The following MON1A variants were observed in gnomAD, a reference collection of about 807,000 sequenced individuals.
MON1A encodes the protein vacuolar fusion protein MON1 homolog A.
In MON1A, 29 loss-of-function variants were observed where a neutral mutation model predicts 44.6. The ratio of observed to expected loss-of-function variants is 0.65; its 90% CI spans 0.48 to 0.89. MON1A has a LOEUF of 0.89. Among genes scored for constraint, MON1A ranks in the 40% least tolerant of loss-of-function variants. The pLI is 0.00. For missense variants in MON1A, 615 were observed against 759.6 expected (o/e 0.81, Z 2.24); for synonymous variants, 275 against 316.4 (o/e 0.87, Z 1.39).
chr3:49,927,244 T>C (rs2083059571), intron 1 of MON1A, among the ~76,000 whole-genome samples: 1 of 152,186 alleles, frequency 6.6e-6, no homozygotes, highest in Admixed American at 6.6e-5. Flanking sequence ...TCAGGAACAA[T>C]GGCTCCGAAG....
At chr3:49,922,271 C>A (rs1045198597) in intron 1 of MON1A, among the ~76,000 whole-genome samples, 12 of 151,598 alleles carry the variant, frequency 7.9e-5, no homozygotes, top group African/African-American at 2.7e-4. Context: ...CACAGTGAAA[C>A]CCCGTCTCTA....
At chr3:49,919,131 G>A (rs1330202947) in intron 1 of MON1A, among the ~76,000 whole-genome samples, 1 of 152,084 alleles carries the variant, frequency 6.6e-6, no homozygotes, top group African/African-American at 2.4e-5. Context: ...TGCAGTGAGT[G>A]GTGATCACAC....
At position 49,911,877 on chromosome 3, in the gene MON1A, G is replaced by C; in HGVS notation, c.262C>G (p.Arg88Gly). 3 of 1,614,100 alleles carry C rather than the reference G, an allele frequency of 1.9e-6. No individual in the cohort carries two copies. The highest frequency in any genetic ancestry group is 2.5e-6 in the Non-Finnish European group (3 of 1,180,000). ...RGPPPLPTDM[R>G]QISQDFSELS... is the part of the protein sequence containing the mutation. ...TCGCTAAAGTCCTGGCTGATCTGGC[G>C]CATGTCTGTAGGCAGCGGCGGGGGA... The change falls in exon 3 of 6, where the codon CGC becomes GGC. Residue 88 changes from arginine (R) to glycine (G), a missense_variant. Physicochemically the swap from Arg to Gly is moderately radical, Grantham distance 125 (BLOSUM62 -2). Coordinates refer to ENST00000296473, the MANE Select transcript of MON1A (RefSeq NM_032355.4). The surrounding 1 kb of genome is among the most constrained non-coding windows in gnomAD (Gnocchi z 5.7).
intron 1 of MON1A, among the ~76,000 whole-genome samples, chr3:49,919,589 C>T (rs936785857): frequency 2.0e-5 from 3 of 152,214 alleles, no homozygotes; most frequent in Non-Finnish European, 2.9e-5. Flanking sequence ...AAGCGATGCT[C>T]CTCCCTCAGC....
In MON1A at chr3:49,909,141, A is replaced by G; in HGVS notation, c.1541T>C (p.Phe514Ser). ...ENLLAWVTGA[F>S]ELYMCYSPLG... Reference sequence around the variant, plus strand: ...GGGGCTGTAACACATGTAGAGCTCAAAGGCGCCTGTCACCTGGAGAAGGGG... The same window carrying G: ...GGGGCTGTAACACATGTAGAGCTCAGAGGCGCCTGTCACCTGGAGAAGGGG... Residue 514 changes from phenylalanine (F) to serine (S), a missense_variant, in exon 6 of 6, where the codon TTT becomes TCT. By Grantham distance (155) the Phe-to-Ser change is radical. Transcript: ENST00000296473. This position sits in a 1 kb window ranked among gnomAD's most constrained non-coding sequence, Gnocchi z 4.0. 1 of 1,610,574 alleles carries G rather than the reference A, an allele frequency of 6.2e-7. No homozygotes were observed. The highest frequency in any genetic ancestry group is 8.5e-7 in the Non-Finnish European group (1 of 1,177,368).
In MON1A at chr3:49,910,197, T is replaced by C. The variant is rs2082856821; in HGVS notation, c.1301A>G (p.Tyr434Cys). Residue 434 changes from tyrosine (Y) to cysteine (C), a missense_variant, in exon 4 of 6, where the codon TAC (tyrosine) becomes TGC (cysteine). By Grantham distance (194) the Tyr-to-Cys change is radical. Coordinates refer to ENST00000296473, the MANE Select transcript of MON1A (RefSeq NM_032355.4). This position sits in a 1 kb window ranked among gnomAD's most constrained non-coding sequence, Gnocchi z 8.0. ...GATGCCCACTTGGGCAACGCTGTAGTAGGGTGTGCGCAGTGCCTCTCGCAG... is the reference window on the plus strand; with the variant it reads ...GATGCCCACTTGGGCAACGCTGTAGCAGGGTGTGCGCAGTGCCTCTCGCAG... The part of the protein sequence containing the change: ...LALREALRTP[Y>C]YSVAQVGIPD... 6.2e-7 allele frequency: 1 copy of C among 1,613,902 alleles called. No individual in the cohort carries two copies. Among genetic ancestry groups the C allele is most frequent in the Non-Finnish European group, 8.5e-7 (1 of 1,179,980 alleles).
chr3:49,917,451 A>T (rs1260856796), intron 1 of MON1A, among the ~76,000 whole-genome samples: 1 of 151,362 alleles, frequency 6.6e-6, no homozygotes, highest in Non-Finnish European at 1.5e-5. Flanking sequence ...ACGCCCAGCT[A>T]ATTTCTTTTT....
At position 49,913,658 on chromosome 3, in the gene MON1A, G is replaced by GTTTT. The variant is rs1559493127; in HGVS notation, c.-13-300_-13-299insAAAA. Among the ~76,000 whole-genome samples, 714 of 120,880 alleles carry GTTTT rather than the reference G, an allele frequency of 5.9e-3. 3 individuals are homozygous for GTTTT. Among genetic ancestry groups the GTTTT allele is most frequent in the Non-Finnish European group, 0.01 (559 of 55,238 alleles). The allele number at this position is 120,880 out of a possible 152,430, so 79.3% of individuals were successfully genotyped here. ...TCATACGTTAGTGTATTTCCTTCTA[G>GTTTT]TATTTTTTTTTTTTTTTTTTTTGAG... On this transcript the variant is annotated intron_variant, in intron 1 of 5. Transcript: ENST00000296473.
chr3:49,922,582 GGAAA>G (rs548325317), intron 1 of MON1A, among the ~76,000 whole-genome samples: 3 of 141,288 alleles, frequency 2.1e-5, no homozygotes, highest in South Asian at 2.2e-4. Context: ...AGGGAAGGAA[GGAAA>G]GAAGGAAGGA....
chr3:49,914,322 A>C (rs952479015), intron 1 of MON1A, among the ~76,000 whole-genome samples: 1 of 151,628 alleles, frequency 6.6e-6, no homozygotes, highest in African/African-American at 2.4e-5. Context: ...ACCTCAAGTG[A>C]TCCGCCTGCC....
intron 1 of MON1A, among the ~76,000 whole-genome samples, chr3:49,925,114 GTTTA>G (rs1307493047): frequency 6.6e-6 from 1 of 152,126 alleles, no homozygotes; most frequent in African/African-American, 2.4e-5. Flanking sequence ...TTCAGCTTAT[GTTTA>G]TTTATTTATC....
At chr3:49,912,149 G>T in intron 2 of MON1A, 138 bp from the exon 3 acceptor site, 2 of 1,078,184 alleles carry the variant, frequency 1.9e-6, no homozygotes, top group Non-Finnish European at 2.6e-6. Context: ...GCCACTGTCT[G>T]CCATGGATGA....
chr3:49,915,711 G>A (rs951429149), intron 1 of MON1A, among the ~76,000 whole-genome samples: 1 of 152,186 alleles, frequency 6.6e-6, no homozygotes, highest in African/African-American at 2.4e-5. Context: ...ACAAGGAGTT[G>A]TCTTAACAAT....
At position 49,910,925 on chromosome 3, in the gene MON1A, C is replaced by T; in HGVS notation, c.614-41G>A. On this transcript the variant is annotated intron_variant, in intron 3 of 5. Coordinates refer to ENST00000296473, the MANE Select transcript of MON1A (RefSeq NM_032355.4). This position sits in a 1 kb window ranked among gnomAD's most constrained non-coding sequence, Gnocchi z 8.0. ...GAAAGAAGGATGTCAGCCTCAGCGG[C>T]AGCTCCCTCCGAAAACCGCCTTCCA... is the stretch of plus-strand genomic sequence containing the variant. 6.5e-7 allele frequency: 1 copy of T among 1,544,734 alleles called. No individual in the cohort carries two copies. Among genetic ancestry groups the T allele is most frequent in the Non-Finnish European group, 8.7e-7 (1 of 1,145,134 alleles).
At chr3:49,919,117 A>G (rs2082973766) in intron 1 of MON1A, among the ~76,000 whole-genome samples, 1 of 152,202 alleles carries the variant, frequency 6.6e-6, no homozygotes, top group Admixed American at 6.5e-5. Context: ...CAGGAGGTCC[A>G]GGCTGCAGTG....
Position 49,910,576 on chromosome 3 carries a change from C to T in MON1A, c.922G>A (p.Ala308Thr). Residue 308 changes from alanine (A) to threonine (T), a missense_variant, in exon 4 of 6, where the codon GCC becomes ACC. By Grantham distance (58) the Ala-to-Thr change is moderately conservative (BLOSUM62 0). Coordinates refer to ENST00000296473, the MANE Select transcript of MON1A (RefSeq NM_032355.4). This position sits in a 1 kb window ranked among gnomAD's most constrained non-coding sequence, Gnocchi z 8.0. ...LAAAVRDTVS[A>T]SLQQARARSL... is the part of the protein sequence containing the mutation. ...CGCGCACGCGCCTGCTGCAGGCTGGCGCTCACAGTGTCGCGCACGGCCGCC... is the reference window on the plus strand; with the variant it reads ...CGCGCACGCGCCTGCTGCAGGCTGGTGCTCACAGTGTCGCGCACGGCCGCC... The T allele has an allele frequency of 6.2e-7, 1 of 1,609,106 alleles. No homozygotes were observed. Among genetic ancestry groups the T allele is most frequent in the East Asian group, 2.2e-5 (1 of 44,634 alleles).
At chr3:49,921,628 C>T (rs1035838847) in intron 1 of MON1A, among the ~76,000 whole-genome samples, 1 of 137,594 alleles carries the variant, frequency 7.3e-6, no homozygotes, top group Non-Finnish European at 1.6e-5. Context: ...ATTAGCCGGG[C>T]GTGGTAGCAC....
chr3:49,929,571 A>C, intron 1 of MON1A, 38 bp downstream of exon 1: 2 of 1,550,250 alleles, frequency 1.3e-6, no homozygotes, highest in Non-Finnish European at 8.7e-7. Context: ...TCCAGTCTCT[A>C]GGTGCCTCCA....
rs776728238 is a variant in MON1A at position 49,910,657 on chromosome 3, G to A, written c.841C>T (p.Leu281Phe). Reference protein sequence around the residue: ...SERITDNLLQLMARDPSFLMG... With the variant: ...SERITDNLLQFMARDPSFLMG... ...AGGAAGCTGGGGTCTCGTGCCATGA[G>A]CTGCAGCAGGTTGTCGGTGATGCGC... The change falls in exon 4 of 6, where the codon CTC becomes TTC. Residue 281 changes from leucine (L) to phenylalanine (F), a missense_variant. Physicochemically the swap from Leu to Phe is conservative, Grantham distance 22. Coordinates refer to ENST00000296473, the MANE Select transcript of MON1A (RefSeq NM_032355.4). The surrounding 1 kb of genome is among the most constrained non-coding windows in gnomAD (Gnocchi z 8.0). 6.2e-7 allele frequency: 1 copy of A among 1,606,674 alleles called. No homozygotes were observed. The highest frequency in any genetic ancestry group is 1.1e-5 in the South Asian group (1 of 90,316).
Sources: allele counts gnomAD v4.1 joint callset (sites outside exome capture counted in the v4.1 genomes callset), GRCh38; gene constraint gnomAD v4.1.1; non-coding constraint Gnocchi (gnomAD v3.1); transcripts MANE v1.5; gene names NCBI Gene and HGNC (gene_info 2026-07-23, HGNC 2026-07-21).